DAGLA: variants seen among roughly 807,000 people sequenced by gnomAD.
The protein encoded by DAGLA is diacylglycerol lipase-alpha.
In DAGLA, 22 loss-of-function variants were observed where a neutral mutation model predicts 102.6. The ratio of observed to expected loss-of-function variants is 0.21; its 90% CI spans 0.15 to 0.31. The LOEUF (loss-of-function observed/expected upper bound fraction) is 0.31. DAGLA is among the 10% of genes least tolerant of loss of function. The pLI, the probability that DAGLA is intolerant of heterozygous loss-of-function variation, is 1.00. For synonymous variants in DAGLA, 578 were observed against 628.9 expected, an observed-to-expected ratio of 0.92 and a Z score of 1.21; for missense variants, 927 against 1,446.6, an observed-to-expected ratio of 0.64 and a Z score of 5.83.
At chr11:61,704,321 T>C (rs2065133465) in intron 1 of DAGLA, among the ~76,000 whole-genome samples, 1 of 152,066 alleles carries the variant, frequency 6.6e-6, no homozygotes, top group African/African-American at 2.4e-5. Context: ...GGTTTCACCA[T>C]GTTGGCCAGG....
intron 1 of DAGLA, among the ~76,000 whole-genome samples, chr11:61,692,673 C>T (rs535744876): frequency 1.7e-4 from 26 of 152,032 alleles, no homozygotes; most frequent in Non-Finnish European, 2.8e-4. Context: ...AGGATCCTGT[C>T]ACCAAAGCCC....
At position 61,734,826 on chromosome 11, in the gene DAGLA, A is replaced by G; in HGVS notation, c.975-23A>G. On this transcript the variant is annotated intron_variant, in intron 9 of 19. Coordinates refer to ENST00000257215, the MANE Select transcript of DAGLA (RefSeq NM_006133.3). This position sits in a 1 kb window ranked among gnomAD's most constrained non-coding sequence, Gnocchi z 4.2. Reference sequence around the variant, plus strand: ...TCCCTCGGGGACTCCCTGGCCCTGAACTCTCTTGTCACCCCACCCTAGGTG... The same window carrying G: ...TCCCTCGGGGACTCCCTGGCCCTGAGCTCTCTTGTCACCCCACCCTAGGTG... 6.2e-7 allele frequency: 1 copy of G among 1,603,816 alleles called. No individual in the cohort carries two copies. The highest frequency in any genetic ancestry group is 8.5e-7 in the Non-Finnish European group (1 of 1,172,324).
chr11:61,720,037 G>A (rs1327442685), intron 1 of DAGLA, 75 bp from the exon 2 acceptor site: 4 of 1,020,356 alleles, frequency 3.9e-6, no homozygotes, highest in East Asian at 2.5e-5. Flanking sequence ...GACTGGTCCC[G>A]TGGCCCAAGG....
chr11:61,741,198 C>T lies in DAGLA; in HGVS notation c.2020C>T (p.Leu674Phe). 1 of 1,613,572 alleles carries T rather than the reference C, an allele frequency of 6.2e-7. No homozygotes were observed. Among genetic ancestry groups the T allele is most frequent in the Non-Finnish European group, 8.5e-7 (1 of 1,179,988 alleles). ...ENYNKGKTAL[L>F]SAAKVMVSPT... The stretch of plus-strand genomic sequence containing the variant: ...CTACAACAAGGGGAAGACCGCTCTG[C>T]TCTCTGCAGCCAAGGTCATGGTGAG... Residue 674 changes from leucine to phenylalanine, a missense_variant, in exon 19 of 20, where the codon CTC becomes TTC. This residue lies in a region of DAGLA where 218 missense variants were observed against 459.6 expected (regional missense o/e 0.47). Coordinates refer to ENST00000257215, the MANE Select transcript of DAGLA (RefSeq NM_006133.3).
At chr11:61,715,153 C>T (rs556679399) in intron 1 of DAGLA, among the ~76,000 whole-genome samples, 5 of 152,294 alleles carry the variant, frequency 3.3e-5, no homozygotes, top group Non-Finnish European at 5.9e-5. Flanking sequence ...GTCTTAACCA[C>T]CCCTTGCACA....
intron 1 of DAGLA, among the ~76,000 whole-genome samples, chr11:61,695,419 C>T (rs1018108240): frequency 1.3e-5 from 2 of 152,212 alleles, no homozygotes; most frequent in African/African-American, 2.4e-5. Flanking sequence ...TCCTCGAGTT[C>T]ATGTCCCCAG....
rs1040691211 is a variant in DAGLA, at chr11:61,686,589, T to A, written c.-45+6085T>A. On this transcript the variant is annotated intron_variant, in intron 1 of 19. Transcript: ENST00000257215. This position sits in a 1 kb window ranked among gnomAD's most constrained non-coding sequence, Gnocchi z 5.2. ...GGAGAACAGGGCTTGCCCTCACCTG[T>A]GTTTGGGGGCTGCTCCTGCAAACCA... 6.6e-6 allele frequency among the ~76,000 whole-genome samples: 1 copy of A among 152,214 alleles called. No homozygotes were observed. The highest frequency in any genetic ancestry group is 2.4e-5 in the African/African-American group (1 of 41,444).
rs7941975 is a variant in DAGLA at position 61,737,134 on chromosome 11, G to A, written c.1372-48G>A. 1,256 of 1,611,028 alleles carry A rather than the reference G, an allele frequency of 7.8e-4. 6 individuals are homozygous for A. The Middle Eastern group carries it at 0.012, about 15-fold the overall frequency. ...CTCCCTTGGGTTGGCTAAGACAGTC[G>A]CTTGGCGGGCATTGGGGCAGGGCTC... On this transcript the variant is annotated intron_variant, in intron 13 of 19. Transcript: ENST00000257215.
chr11:61,705,574 C>T (rs1300486937), intron 1 of DAGLA, among the ~76,000 whole-genome samples: 1 of 152,212 alleles, frequency 6.6e-6, no homozygotes, highest in Non-Finnish European at 1.5e-5. Flanking sequence ...CTATAGGCAG[C>T]CTCCCCGCCT....
intron 3 of DAGLA, 147 bp from the exon 4 acceptor site, chr11:61,722,712 G>C (rs995809504): frequency 4.6e-6 from 3 of 651,148 alleles, no homozygotes; most frequent in Admixed American, 2.5e-5. Context: ...GGCGGGGGGT[G>C]GGGGGTCTGC....
intron 1 of DAGLA, among the ~76,000 whole-genome samples, chr11:61,695,120 G>A (rs927394627): frequency 6.6e-6 from 1 of 152,188 alleles, no homozygotes; most frequent in African/African-American, 2.4e-5. Flanking sequence ...GGCAGGGTTG[G>A]GAGCTAAAGT....
intron 1 of DAGLA, among the ~76,000 whole-genome samples, chr11:61,702,279 A>C (rs2065115408): frequency 6.6e-6 from 1 of 152,044 alleles, no homozygotes; most frequent in Non-Finnish European, 1.5e-5. Flanking sequence ...TTAGGTTTCG[A>C]ACTTAGTTCT....
In DAGLA at chr11:61,744,010, G is replaced by C. The variant is rs778135090; in HGVS notation, c.2650G>C (p.Gly884Arg). ...CAATGACGAGGAGGAAGAGGTTGGC[G>C]GTGGGGGTGGCGGGCCGGCCTCCCG... ...AANDEEEEVG[G>R]GGGGPASRGE... is the part of the protein sequence containing the mutation. The change falls in exon 20 of 20, where the codon GGT (glycine) becomes CGT (arginine). Residue 884 changes from glycine (G) to arginine (R), a missense_variant. Transcript: ENST00000257215. The C allele has an allele frequency of 6.2e-7, 1 of 1,612,044 alleles. No individual in the cohort carries two copies. The highest frequency in any genetic ancestry group is 1.1e-5 in the South Asian group (1 of 91,034).
intron 14 of DAGLA, 117 bp from the exon 15 acceptor site, chr11:61,737,570 C>T (rs1333285127): frequency 3.5e-6 from 4 of 1,137,926 alleles, no homozygotes; most frequent in African/African-American, 3.0e-5. Context: ...CAGCCAGCTC[C>T]CCGGGAGCCA....
At chr11:61,703,947 T>C (rs1478194696) in intron 1 of DAGLA, among the ~76,000 whole-genome samples, 4 of 152,298 alleles carry the variant, frequency 2.6e-5, no homozygotes, top group Non-Finnish European at 5.9e-5. Context: ...AGAGCTATGA[T>C]TGGACACAAA....
At chr11:61,728,863 C>A (rs956181677) in intron 7 of DAGLA, 68 bp from the exon 8 acceptor site, 108 of 1,418,308 alleles carry the variant, frequency 7.6e-5, no homozygotes, top group Middle Eastern at 1.8e-4. Flanking sequence ...AGGGCCTGGG[C>A]CCCCTTTCCC....
intron 6 of DAGLA, among the ~76,000 whole-genome samples, chr11:61,727,797 A>G (rs191938620): frequency 1.4e-4 from 22 of 152,326 alleles, no homozygotes; most frequent in African/African-American, 5.1e-4. Flanking sequence ...GAATGGCTAG[A>G]GGAGAAATGA....
intron 1 of DAGLA, among the ~76,000 whole-genome samples, chr11:61,703,337 G>A (rs2065123433): frequency 6.6e-6 from 1 of 152,158 alleles, no homozygotes; most frequent in Non-Finnish European, 1.5e-5. Flanking sequence ...GTCCTATGAT[G>A]GGGGCGCTTG....
chr11:61,726,070 G>A lies in DAGLA; in HGVS notation c.624G>A (p.Lys208=), dbSNP rs371149991. 26 of 1,612,166 alleles carry A rather than the reference G, an allele frequency of 1.6e-5. No individual in the cohort carries two copies. The highest frequency in any genetic ancestry group is 1.6e-4 in the Middle Eastern group (1 of 6,084). ...TGTTCCTCTGCTGCACGCGGACGAA[G>A]GACTCCCAGTCAGTAAGTACTGGGA... The part of the protein sequence containing the change: ...LKVFLCCTRT[K]DSQSDAYSEI... The change falls in exon 6 of 20, where the codon AAG becomes AAA. Residue 208 remains lysine (K), a synonymous_variant. Coordinates refer to ENST00000257215, the MANE Select transcript of DAGLA (RefSeq NM_006133.3).
Sources: gnomAD v4.1 joint callset for allele counts (sites outside exome capture counted in the v4.1 genomes callset) on GRCh38, gnomAD v4.1.1 for gene constraint, gnomAD v4.1.1 regional missense constraint, Gnocchi (gnomAD v3.1) non-coding constraint, MANE v1.5 for transcripts, NCBI Gene and HGNC (gene_info 2026-07-23, HGNC 2026-07-21) for gene names.